The following GALNT3 variants were observed in gnomAD, a reference collection of about 807,000 sequenced individuals.
GALNT3 encodes the protein polypeptide N-acetylgalactosaminyltransferase 3, also known as GalNAc transferase 3.
In GALNT3, 51 loss-of-function variants were observed where a neutral mutation model predicts 69.8. That is an observed-to-expected ratio of 0.73 (90% CI 0.58 to 0.92). The LOEUF (loss-of-function observed/expected upper bound fraction) is 0.92. Ranked by LOEUF, GALNT3 falls within the 40% of genes least tolerant of loss-of-function variation. The probability of loss-of-function intolerance (pLI) is 0.00; values close to 1 mark genes in which losing one functional copy is unlikely to be tolerated. For synonymous variants in GALNT3, 265 were observed against 248.5 expected, an observed-to-expected ratio of 1.07 and a Z score of -0.63; for missense variants, 711 against 760.0, an observed-to-expected ratio of 0.94 and a Z score of 0.76.
chr2:165,774,933 T>G (rs13027754), intron 1 of GALNT3, among the ~76,000 whole-genome samples: 1 of 137,340 alleles, frequency 7.3e-6, no homozygotes, highest in African/African-American at 2.7e-5. Context: ...TTTTTTTTTG[T>G]AGAGATGAGG....
Position 165,749,876 on chromosome 2 carries a change from G to A in GALNT3, c.1645C>T (p.Gln549Ter). ...TGGATGTTGTGCCGAATTTCATGTT[G>A]AGCAGAGTATTCAAAGTACTATGGA... ...GGNQYFEYSA[Q>*]HEIRHNIQKE... The change falls in exon 10 of 11, where the codon CAA becomes TAA. Residue 549 changes from glutamine (Q) to a stop codon, truncating the protein, a stop_gained. Coordinates refer to ENST00000392701, the MANE Select transcript of GALNT3 (RefSeq NM_004482.4). LOFTEE classifies it high-confidence loss of function. The A allele has an allele frequency of 6.2e-7, 1 of 1,613,536 alleles. No individual in the cohort carries two copies. The highest frequency in any genetic ancestry group is 8.5e-7 in the Non-Finnish European group (1 of 1,179,582).
chr2:165,768,363 TA>T (rs1349046177), intron 2 of GALNT3, among the ~76,000 whole-genome samples: 1 of 152,190 alleles, frequency 6.6e-6, no homozygotes, highest in Non-Finnish European at 1.5e-5. Context: ...GTCAAAAGAA[TA>T]AAAATCATGA....
chr2:165,790,754 T>C lies in GALNT3; in HGVS notation c.-109+3261A>G, dbSNP rs75123339. Among the ~76,000 whole-genome samples the C allele has an allele frequency of 7.8e-3, 1,188 of 152,306 alleles. 38 individuals are homozygous for C. Among genetic ancestry groups the C allele is most frequent in the Admixed American group, 0.061 (935 of 15,294 alleles). ...CATTCCTACAAATCATTGAGGGATC[T>C]ATTTTAATCTCTCAATGTAGTCTTT... On this transcript the variant is annotated intron_variant, in intron 1 of 10. Transcript: ENST00000392701.
chr2:165,766,658 A>G (rs1688647874), intron 2 of GALNT3, among the ~76,000 whole-genome samples: 1 of 59,928 alleles, frequency 1.7e-5, no homozygotes, highest in South Asian at 4.8e-4. Flanking sequence ...TAAAAACCAT[A>G]AATTGGAGAT....
intron 2 of GALNT3, among the ~76,000 whole-genome samples, chr2:165,766,736 T>C (rs1265583356): frequency 2.8e-5 from 2 of 70,430 alleles, no homozygotes; most frequent in Non-Finnish European, 8.6e-5. Flanking sequence ...AGTGTGATAT[T>C]AGGGGCCTGA....
intron 1 of GALNT3, among the ~76,000 whole-genome samples, chr2:165,789,316 GTCCTC>G (rs897968209): frequency 6.6e-5 from 10 of 152,144 alleles, no homozygotes; most frequent in Admixed American, 1.3e-4. Context: ...AGCTTTCTCA[GTCCTC>G]TTTTATAAGG....
chr2:165,753,687 A>T (rs978981263), intron 9 of GALNT3, among the ~76,000 whole-genome samples: 1 of 152,132 alleles, frequency 6.6e-6, no homozygotes, highest in Admixed American at 6.5e-5. Context: ...AAGGAAGCTT[A>T]AAAAAACAGA....
Position 165,770,673 on chromosome 2 carries a change from A to G in GALNT3, c.28T>C (p.Leu10=). The part of the protein sequence containing the change: MAHLKRLVK[L]HIKRHYHKKF... The stretch of plus-strand genomic sequence containing the variant: ...TTATGGTAATGTCTTTTAATGTGTA[A>G]TTTTACTAGTCGCTTTAGGTGAGCC... The change falls in exon 2 of 11, where the codon TTA becomes CTA. Residue 10 remains leucine, a synonymous_variant. Coordinates refer to ENST00000392701, the MANE Select transcript of GALNT3 (RefSeq NM_004482.4). 6.2e-7 allele frequency: 1 copy of G among 1,605,332 alleles called. No individual in the cohort carries two copies. Among genetic ancestry groups the G allele is most frequent in the East Asian group, 2.2e-5 (1 of 44,834 alleles).
intron 1 of GALNT3, among the ~76,000 whole-genome samples, chr2:165,783,826 C>T (rs1683164087): frequency 6.6e-6 from 1 of 152,152 alleles, no homozygotes; most frequent in Non-Finnish European, 1.5e-5. Flanking sequence ...TCCCCATTAG[C>T]TGCCACCTCC....
intron 1 of GALNT3, chr2:165,771,718 G>A (rs1688757142): frequency 6.6e-6 from 1 of 152,124 alleles, no homozygotes; most frequent in African/African-American, 2.4e-5. Flanking sequence ...ACGAAGGGGA[G>A]GGAAAATGCC....
chr2:165,787,480 C>T (rs1232319288), intron 1 of GALNT3, among the ~76,000 whole-genome samples: 2 of 152,140 alleles, frequency 1.3e-5, no homozygotes, highest in African/African-American at 2.4e-5. Flanking sequence ...GAAAAGATCA[C>T]TCTGGGTGCA....
intron 3 of GALNT3, among the ~76,000 whole-genome samples, chr2:165,764,095 A>C (rs1457949336): frequency 6.6e-6 from 1 of 152,214 alleles, no homozygotes; most frequent in Non-Finnish European, 1.5e-5. Flanking sequence ...GATGTTTGAA[A>C]ATTTACAAGT....
chr2:165,784,242 T>C (rs1272072335), intron 1 of GALNT3, among the ~76,000 whole-genome samples: 2 of 152,142 alleles, frequency 1.3e-5, no homozygotes, highest in Non-Finnish European at 2.9e-5. Flanking sequence ...TTTAATTCTT[T>C]AGGCAAAGGG....
At chr2:165,785,380 T>A (rs1683199282) in intron 1 of GALNT3, among the ~76,000 whole-genome samples, 1 of 152,248 alleles carries the variant, frequency 6.6e-6, no homozygotes, top group African/African-American at 2.4e-5. Context: ...ATTGTTTTTA[T>A]ATTTTTAAAA....
intron 6 of GALNT3, among the ~76,000 whole-genome samples, chr2:165,757,495 T>C (rs1688467846): frequency 6.6e-6 from 1 of 152,204 alleles, no homozygotes; most frequent in Non-Finnish European, 1.5e-5. Context: ...TGATTTCAGA[T>C]TTTTCATAAA....
intron 1 of GALNT3, chr2:165,771,622 C>G (rs998111380): frequency 2.0e-5 from 3 of 152,018 alleles, no homozygotes; most frequent in African/African-American, 7.3e-5. Context: ...TATGGGACAA[C>G]AGGAGCAAAG....
intron 1 of GALNT3, among the ~76,000 whole-genome samples, chr2:165,786,168 G>A (rs934739024): frequency 3.9e-5 from 6 of 152,176 alleles, no homozygotes; most frequent in Non-Finnish European, 4.4e-5. Flanking sequence ...TAGGAAGTCA[G>A]TAGATATTGC....
chr2:165,769,343 T>C (rs1448199547), intron 2 of GALNT3, among the ~76,000 whole-genome samples: 1 of 146,074 alleles, frequency 6.8e-6, no homozygotes, highest in Non-Finnish European at 1.5e-5. Flanking sequence ...GAGGCAGAGG[T>C]TGCAGTGAGC....
At chr2:165,790,681 A>C (rs1192387922) in intron 1 of GALNT3, among the ~76,000 whole-genome samples, 1 of 152,106 alleles carries the variant, frequency 6.6e-6, no homozygotes, top group African/African-American at 2.4e-5. Context: ...GTTAAAATTG[A>C]AAGTGTCTAC....
Sources: allele counts gnomAD v4.1 joint callset (sites outside exome capture counted in the v4.1 genomes callset), GRCh38; gene constraint gnomAD v4.1.1; transcripts MANE v1.5; gene names NCBI Gene and HGNC (gene_info 2026-07-23, HGNC 2026-07-21).